The following CD300E variants were observed in gnomAD, a reference collection of about 807,000 sequenced individuals.
CD300E encodes CD300e molecule, also known as CMRF35-like molecule 2.
Under a neutral mutation model 20.9 loss-of-function variants are expected in CD300E, and 14 were observed. The observed-to-expected ratio is 0.67, with a 90% confidence interval of 0.44 to 1.05. The LOEUF (loss-of-function observed/expected upper bound fraction) is 1.05, where lower values mean the gene tolerates loss of function less well. Ranked by LOEUF, CD300E falls within the 50% of genes least tolerant of loss-of-function variation. CD300E has a pLI of 0.00. For synonymous variants in CD300E, 102 were observed against 103.7 expected (o/e 0.98, Z 0.10); for missense variants, 237 against 253.9 (o/e 0.93, Z 0.45).
chr17:74,616,759 G>A (rs899914064), intron 2 of CD300E, among the ~76,000 whole-genome samples: 1 of 152,174 alleles, frequency 6.6e-6, no homozygotes, highest in Non-Finnish European at 1.5e-5. Flanking sequence ...CAACATGGTA[G>A]GGGGATGTTC....
At chr17:74,617,541 G>T in intron 1 of CD300E, 76 bp from the exon 2 acceptor site, 1 of 1,294,290 alleles carries the variant, frequency 7.7e-7, no homozygotes, top group Admixed American at 2.1e-5. Context: ...AAGCTTAAGG[G>T]GAAGATTGCC....
At chr17:74,616,189 G>T (rs1252843424) in intron 2 of CD300E, among the ~76,000 whole-genome samples, 1 of 152,180 alleles carries the variant, frequency 6.6e-6, no homozygotes, top group Non-Finnish European at 1.5e-5. Flanking sequence ...GGCGGAAATG[G>T]AGGGATCAGA....
In CD300E at chr17:74,611,087, C is replaced by T. The variant is rs1200107618; in HGVS notation, c.*1566G>A. The T allele has an allele frequency of 6.6e-6, 1 of 152,222 alleles. No individual in the cohort carries two copies. The highest frequency in any genetic ancestry group is 2.4e-5 in the African/African-American group (1 of 41,444). The allele number at this position is 152,222 out of a possible 1,614,324, so 9.4% of individuals were successfully genotyped here. A position where few individuals can be genotyped will look rare whatever the true frequency, so the allele number is the denominator to read the frequency against. ...TAGAGTTCTTCCTATGCTGTAATGACTTGGGAGCTTATCCTTCTCATAAAA... is the reference window on the plus strand; with the variant it reads ...TAGAGTTCTTCCTATGCTGTAATGATTTGGGAGCTTATCCTTCTCATAAAA... On this transcript the variant is annotated 3_prime_UTR_variant, in exon 4 of 4. Transcript: ENST00000392619.
intron 2 of CD300E, 101 bp from the exon 3 acceptor site, chr17:74,614,134 G>C (rs1465316876): frequency 3.0e-5 from 28 of 942,540 alleles, no homozygotes; most frequent in South Asian, 2.2e-4. Flanking sequence ...CACAGAAGAG[G>C]CTGGAAAGAT....
intron 2 of CD300E, among the ~76,000 whole-genome samples, chr17:74,615,021 C>T (rs909278579): frequency 2.6e-5 from 4 of 152,212 alleles, no homozygotes; most frequent in South Asian, 2.1e-4. Flanking sequence ...GCTGGAGATT[C>T]GTTGATGGAC....
At chr17:74,616,834 T>G (rs1598149829) in intron 2 of CD300E, among the ~76,000 whole-genome samples, 1 of 152,204 alleles carries the variant, frequency 6.6e-6, no homozygotes, top group East Asian at 1.9e-4. Context: ...AAGGGCACGG[T>G]GGAAACAGCT....
In CD300E at chr17:74,612,604, G is replaced by A. The variant is rs145674740; in HGVS notation, c.*49C>T. ...AGTCTGAAAGGTTGACTCCCTGCAC[G>A]GGGCACTCCTGGGGATGGGGCTCTG... On this transcript the variant is annotated 3_prime_UTR_variant, in exon 4 of 4. Coordinates refer to ENST00000392619, the MANE Select transcript of CD300E (RefSeq NM_181449.3). 1.6e-5 allele frequency: 26 copies of A among 1,603,236 alleles called. No individual in the cohort carries two copies. The highest frequency in any genetic ancestry group is 1.4e-4 in the Admixed American group (8 of 59,238).
chr17:74,614,149 T>G (rs1293193691), intron 2 of CD300E, 116 bp from the exon 3 acceptor site: 1 of 834,040 alleles, frequency 1.2e-6, no homozygotes, highest in African/African-American at 1.7e-5. Context: ...AAAGATCTTC[T>G]GAAGCCAGAT....
chr17:74,616,752 C>T (rs1451980213), intron 2 of CD300E, among the ~76,000 whole-genome samples: 1 of 152,160 alleles, frequency 6.6e-6, no homozygotes, highest in African/African-American at 2.4e-5. Flanking sequence ...TTCAAAACAA[C>T]ATGGTAGGGG....
At chr17:74,617,015 G>T in intron 2 of CD300E, 103 bp downstream of exon 2, 4 of 991,190 alleles carry the variant, frequency 4.0e-6, no homozygotes, top group East Asian at 2.4e-5. Flanking sequence ...CTGTGACTGA[G>T]GACAAGACAA....
intron 3 of CD300E, among the ~76,000 whole-genome samples, chr17:74,613,021 G>A (rs559391119): frequency 6.6e-6 from 1 of 152,318 alleles, no homozygotes; most frequent in Admixed American, 6.5e-5. Context: ...ACTTCCAGGA[G>A]TGCGCTCCAC....
chr17:74,616,830 A>G (rs1180731010), intron 2 of CD300E, among the ~76,000 whole-genome samples: 1 of 152,186 alleles, frequency 6.6e-6, no homozygotes, highest in Admixed American at 6.5e-5. Flanking sequence ...CCCAAAGGGC[A>G]CGGTGGAAAC....
In CD300E at chr17:74,617,385, T is replaced by C; in HGVS notation, c.121A>G (p.Met41Val). Residue 41 changes from methionine to valine, a missense_variant, in exon 2 of 4, where the codon ATG becomes GTG. Physicochemically the swap from Met to Val is conservative, Grantham distance 21 (BLOSUM62 1). Transcript: ENST00000392619. ...CAGTACTTGTTATATCCCTTGTACA[T>C]GCTCTCATACTGACACCACACTGTC... ...SLTVWCQYES[M>V]YKGYNKYWCR... 1 of 1,614,184 alleles carries C rather than the reference T, an allele frequency of 6.2e-7. No homozygotes were observed.
intron 1 of CD300E, among the ~76,000 whole-genome samples, chr17:74,620,618 G>A (rs1397347104): frequency 6.6e-6 from 1 of 151,910 alleles, no homozygotes; most frequent in African/African-American, 2.4e-5. Context: ...ACTCCAGCCT[G>A]GCAACAAAGC....
chr17:74,613,094 A>G (rs1319488085), intron 3 of CD300E, among the ~76,000 whole-genome samples: 1 of 152,140 alleles, frequency 6.6e-6, no homozygotes, highest in Non-Finnish European at 1.5e-5. Context: ...TCTTAAAACC[A>G]GTCCCCACTC....
At chr17:74,613,810 G>C (rs748760245) in intron 3 of CD300E, 115 bp downstream of exon 3, 2 of 656,566 alleles carry the variant, frequency 3.0e-6, no homozygotes, top group Non-Finnish European at 5.5e-6. Flanking sequence ...ATCAGGACCA[G>C]AGATGGAGAG....
intron 3 of CD300E, among the ~76,000 whole-genome samples, chr17:74,613,330 T>C (rs11658986): frequency 0.32 from 48,721 of 151,958 alleles, 8,697 homozygotes; most frequent in Non-Finnish European, 0.41. Context: ...CTCAATCTCC[T>C]GGACTCAAGT....
intron 1 of CD300E, among the ~76,000 whole-genome samples, chr17:74,620,748 G>A (rs1378977388): frequency 6.6e-6 from 1 of 152,210 alleles, no homozygotes; most frequent in East Asian, 1.9e-4. Context: ...CCTCCAAAAT[G>A]GAGGTAAAGC....
At chr17:74,616,329 A>G (rs915673598) in intron 2 of CD300E, among the ~76,000 whole-genome samples, 1 of 152,188 alleles carries the variant, frequency 6.6e-6, no homozygotes, top group Non-Finnish European at 1.5e-5. Context: ...AGGTCGGGTG[A>G]TGACAAGCTC....
Sources: gnomAD v4.1 joint callset for allele counts (sites outside exome capture counted in the v4.1 genomes callset) on GRCh38, gnomAD v4.1.1 for gene constraint, MANE v1.5 for transcripts, NCBI Gene and HGNC (gene_info 2026-07-23, HGNC 2026-07-21) for gene names.